The following ASIC2 variants were observed in gnomAD, a reference collection of about 807,000 sequenced individuals.
ASIC2 encodes the protein acid-sensing ion channel 2.
ASIC2 carries 25 observed loss-of-function variants against 57.3 expected under a neutral mutation model. The ratio of observed to expected loss-of-function variants is 0.44; its 90% CI spans 0.32 to 0.61. The LOEUF (loss-of-function observed/expected upper bound fraction) is 0.61. Ranked by LOEUF, ASIC2 falls within the 20% of genes least tolerant of loss-of-function variation. ASIC2 has a pLI of 0.06. For synonymous variants in ASIC2, 319 were observed against 307.5 expected, an observed-to-expected ratio of 1.04 and a Z score of -0.39; for missense variants, 641 against 738.1, an observed-to-expected ratio of 0.87 and a Z score of 1.52.
intron 1 of ASIC2, among the ~76,000 whole-genome samples, chr17:33,130,591 C>T (rs2092341686): frequency 6.6e-6 from 1 of 152,230 alleles, no homozygotes; most frequent in African/African-American, 2.4e-5. Context: ...GCATGCTCCT[C>T]AACTCCCCAA....
At position 33,739,793 on chromosome 17, in the gene ASIC2, GAAGA is replaced by G. The variant is rs532445105; in HGVS notation, c.555+416181_555+416184del. On this transcript the variant is annotated intron_variant, in intron 1 of 9. Transcript: ENST00000359872. ...AGAGAAAGAAAAGAAACAAAAGAAA[GAAGA>G]AAGAAAGAAAGAAAGAGAGAAAGAA... is the stretch of plus-strand genomic sequence containing the variant. Among the ~76,000 whole-genome samples the G allele has an allele frequency of 8.4e-4, 93 of 110,286 alleles. No homozygotes were observed. The South Asian group carries it at 0.014, about 16-fold the overall frequency. 72.4% of individuals were successfully genotyped at this position (110,286 alleles called of 152,430 possible). A position where few individuals can be genotyped will look rare whatever the true frequency, so the allele number is the denominator to read the frequency against.
chr17:33,255,589 G>T (rs991681252), intron 1 of ASIC2, among the ~76,000 whole-genome samples: 6 of 135,340 alleles, frequency 4.4e-5, no homozygotes, highest in African/African-American at 1.3e-4. Context: ...GAGGAGGGGG[G>T]ATCGGAGGGA....
At chr17:33,496,744 A>G (rs1344561288) in intron 1 of ASIC2, among the ~76,000 whole-genome samples, 1 of 150,660 alleles carries the variant, frequency 6.6e-6, no homozygotes, top group Non-Finnish European at 1.5e-5. Flanking sequence ...CAGCTCCCCA[A>G]GTAGCTGGGA....
intron 1 of ASIC2, among the ~76,000 whole-genome samples, chr17:33,928,180 C>G (rs1597933953): frequency 6.6e-6 from 1 of 152,198 alleles, no homozygotes; most frequent in Admixed American, 6.5e-5. Flanking sequence ...ACTACCTGCT[C>G]TGGTTCATGG....
chr17:34,008,602 C>G (rs945522145), intron 1 of ASIC2, among the ~76,000 whole-genome samples: 5 of 152,044 alleles, frequency 3.3e-5, no homozygotes, highest in Non-Finnish European at 4.4e-5. Flanking sequence ...AGAGAGAGAC[C>G]AATGCTGCAG....
chr17:33,577,458 C>T (rs1035667165), intron 1 of ASIC2, among the ~76,000 whole-genome samples: 2 of 152,122 alleles, frequency 1.3e-5, no homozygotes, highest in African/African-American at 4.8e-5. Context: ...GCTGAGAGGC[C>T]TCCCCATGCT....
intron 1 of ASIC2, among the ~76,000 whole-genome samples, chr17:33,693,222 A>G (rs1210264546): frequency 6.6e-6 from 1 of 151,422 alleles, no homozygotes; most frequent in Non-Finnish European, 1.5e-5. Context: ...CTAACATTAT[A>G]TATTCTAAAG....
intron 1 of ASIC2, among the ~76,000 whole-genome samples, chr17:34,152,946 T>C (rs899905723): frequency 2.6e-5 from 4 of 152,204 alleles, no homozygotes; most frequent in African/African-American, 9.6e-5. Context: ...TGTGCTTATC[T>C]GAAATCAGAT....
At chr17:34,018,889 C>T (rs7209082) in intron 1 of ASIC2, among the ~76,000 whole-genome samples, 48,346 of 151,796 alleles carry the variant, frequency 0.32, 8,639 homozygotes, top group Non-Finnish European at 0.39. Context: ...TATAGATGAG[C>T]AAATAAAGTG....
chr17:33,021,412 C>T (rs1405576864), intron 6 of ASIC2, 102 bp from the exon 7 acceptor site: 10 of 998,648 alleles, frequency 1.0e-5, no homozygotes, highest in Non-Finnish European at 1.3e-5. Context: ...AAAGGAGGCC[C>T]AGGAAGTGAG....
chr17:33,793,060 A>G (rs1480975783), intron 1 of ASIC2, among the ~76,000 whole-genome samples: 1 of 152,208 alleles, frequency 6.6e-6, no homozygotes, highest in African/African-American at 2.4e-5. Context: ...TTCAAACAGT[A>G]CCTGTTAGAT....
intron 1 of ASIC2, among the ~76,000 whole-genome samples, chr17:33,967,192 C>T (rs907793489): frequency 6.6e-6 from 1 of 152,250 alleles, no homozygotes; most frequent in South Asian, 2.1e-4. Flanking sequence ...GCACCCACCC[C>T]CCAACCACCA....
intron 1 of ASIC2, among the ~76,000 whole-genome samples, chr17:33,272,029 T>G (rs915460153): frequency 1.4e-5 from 2 of 148,126 alleles, no homozygotes; most frequent in Non-Finnish European, 3.0e-5. Flanking sequence ...TCTCAGAGAC[T>G]TGGCACTGTA....
At chr17:33,837,774 A>G (rs540516597) in intron 1 of ASIC2, among the ~76,000 whole-genome samples, 1 of 152,116 alleles carries the variant, frequency 6.6e-6, no homozygotes, top group African/African-American at 2.4e-5. Flanking sequence ...CTACACTCTA[A>G]CTTCTGGCCT....
At chr17:33,448,229 A>AG (rs1420184305) in intron 1 of ASIC2, among the ~76,000 whole-genome samples, 1 of 152,028 alleles carries the variant, frequency 6.6e-6, no homozygotes, top group African/African-American at 2.4e-5. Flanking sequence ...TTGGCTAATC[A>AG]GGCTGTGGCT....
chr17:33,101,483 A>G (rs369375322), intron 2 of ASIC2, among the ~76,000 whole-genome samples: 58 of 152,150 alleles, frequency 3.8e-4, no homozygotes, highest in Non-Finnish European at 5.0e-4. Context: ...CAACTGTTTT[A>G]GCTGTTTCTT....
At chr17:33,805,922 G>C (rs1912255133) in intron 1 of ASIC2, among the ~76,000 whole-genome samples, 1 of 152,116 alleles carries the variant, frequency 6.6e-6, no homozygotes, top group Non-Finnish European at 1.5e-5. Flanking sequence ...GCTCCATCTT[G>C]CACATCCATA....
chr17:33,777,455 A>G (rs1368487990), intron 1 of ASIC2, among the ~76,000 whole-genome samples: 1 of 152,136 alleles, frequency 6.6e-6, no homozygotes, highest in African/African-American at 2.4e-5. Flanking sequence ...AATATGATTG[A>G]TGTGATACAA....
At chr17:33,055,587 C>T (rs1380359319) in intron 3 of ASIC2, among the ~76,000 whole-genome samples, 1 of 152,202 alleles carries the variant, frequency 6.6e-6, no homozygotes, top group African/African-American at 2.4e-5. Flanking sequence ...TCATAGCTCA[C>T]TGTAAGCTCA....
Sources: allele counts gnomAD v4.1 joint callset (sites outside exome capture counted in the v4.1 genomes callset), GRCh38; gene constraint gnomAD v4.1.1; transcripts MANE v1.5; gene names NCBI Gene and HGNC (gene_info 2026-07-23, HGNC 2026-07-21).